MCTP1: variants seen among roughly 807,000 people sequenced by gnomAD.
The protein encoded by MCTP1 is multiple C2 and transmembrane domain-containing protein 1.
Under a neutral mutation model 120.6 loss-of-function variants are expected in MCTP1, and 69 were observed. The ratio of observed to expected loss-of-function variants is 0.57; its 90% CI spans 0.47 to 0.70. MCTP1 has a LOEUF of 0.70. MCTP1 is among the 30% of genes least tolerant of loss of function. MCTP1 has a pLI of 0.00. For synonymous variants in MCTP1, 529 were observed against 493.1 expected, an observed-to-expected ratio of 1.07 and a Z score of -0.96; for missense variants, 1,203 against 1,248.8, an observed-to-expected ratio of 0.96 and a Z score of 0.55.
intron 1 of MCTP1, among the ~76,000 whole-genome samples, chr5:95,108,271 G>A: frequency 6.6e-6 from 1 of 152,086 alleles, no homozygotes; most frequent in African/African-American, 2.4e-5. Context: ...TTCATTCCAG[G>A]TGCGTTACAA....
intron 17 of MCTP1, among the ~76,000 whole-genome samples, chr5:94,832,762 C>G (rs531276732): frequency 1.3e-5 from 2 of 152,284 alleles, no homozygotes; most frequent in Admixed American, 1.3e-4. Flanking sequence ...TTATTGTGGG[C>G]CCTTGTAGTG....
At chr5:94,967,176 C>G (rs564267214) in intron 2 of MCTP1, among the ~76,000 whole-genome samples, 3 of 152,228 alleles carry the variant, frequency 2.0e-5, no homozygotes, top group Non-Finnish European at 4.4e-5. Context: ...AACATTTTTT[C>G]TCAACCACTG....
intron 17 of MCTP1, among the ~76,000 whole-genome samples, chr5:94,832,231 C>T (rs1164149857): frequency 8.5e-6 from 1 of 117,546 alleles, no homozygotes; most frequent in East Asian, 4.3e-4. Flanking sequence ...AATGCATTCC[C>T]TCCTTGCATA....
chr5:95,190,718 G>T (rs1299424334), intron 1 of MCTP1, among the ~76,000 whole-genome samples: 2 of 151,848 alleles, frequency 1.3e-5, no homozygotes, highest in Non-Finnish European at 2.9e-5. Context: ...ATAAATGAAA[G>T]AATTCACCTA....
At chr5:95,207,933 G>GAGAC (rs1476620400) in intron 1 of MCTP1, among the ~76,000 whole-genome samples, 1 of 133,344 alleles carries the variant, frequency 7.5e-6, no homozygotes, top group Non-Finnish European at 1.6e-5. Flanking sequence ...GCGGGCGAGA[G>GAGAC]AGAGAGAGAG....
intron 2 of MCTP1, among the ~76,000 whole-genome samples, chr5:95,002,349 A>T (rs1435162170): frequency 6.6e-6 from 1 of 152,186 alleles, no homozygotes; most frequent in Non-Finnish European, 1.5e-5. Flanking sequence ...TCCAGATCCC[A>T]GAATGGTAGA....
chr5:95,034,952 C>A (rs909354297), intron 1 of MCTP1, among the ~76,000 whole-genome samples: 8 of 151,894 alleles, frequency 5.3e-5, no homozygotes, highest in Non-Finnish European at 1.0e-4. Context: ...TACAAGTGAC[C>A]AATAACCATT....
intron 17 of MCTP1, among the ~76,000 whole-genome samples, chr5:94,819,833 G>A (rs1382574857): frequency 2.0e-5 from 3 of 152,096 alleles, no homozygotes; most frequent in Admixed American, 6.6e-5. Context: ...CAAACAATAC[G>A]TTTTCAGATA....
At chr5:94,822,308 T>C (rs1294597251) in intron 17 of MCTP1, among the ~76,000 whole-genome samples, 1 of 152,052 alleles carries the variant, frequency 6.6e-6, no homozygotes, top group African/African-American at 2.4e-5. Context: ...GAACATGCGG[T>C]GTTTGGTTTT....
chr5:95,156,277 C>T (rs1462383378), intron 1 of MCTP1, among the ~76,000 whole-genome samples: 1 of 152,158 alleles, frequency 6.6e-6, no homozygotes, highest in East Asian at 1.9e-4. Context: ...TAATTTGTTA[C>T]ACCGGAAGAG....
At chr5:95,197,587 G>T (rs1041298878) in intron 1 of MCTP1, among the ~76,000 whole-genome samples, 8 of 151,996 alleles carry the variant, frequency 5.3e-5, no homozygotes, top group Admixed American at 2.6e-4. Flanking sequence ...AAATCAAATT[G>T]CTAAAAATGT....
At chr5:94,757,617 G>A (rs962778403) in intron 19 of MCTP1, among the ~76,000 whole-genome samples, 1 of 152,206 alleles carries the variant, frequency 6.6e-6, no homozygotes, top group African/African-American at 2.4e-5. Context: ...CAACAGACTT[G>A]AGACGAAAGG....
chr5:94,911,458 T>C (rs1252849630), intron 9 of MCTP1, among the ~76,000 whole-genome samples: 9 of 152,216 alleles, frequency 5.9e-5, no homozygotes, highest in Admixed American at 2.6e-4. Flanking sequence ...GCTGTTCTTA[T>C]GATAGTGAAT....
At chr5:94,904,386 T>C (rs930397275) in intron 10 of MCTP1, among the ~76,000 whole-genome samples, 3 of 152,108 alleles carry the variant, frequency 2.0e-5, no homozygotes, top group Non-Finnish European at 4.4e-5. Flanking sequence ...TACCCCAGAG[T>C]GTAAAGCTAA....
At chr5:95,038,423 CAG>C (rs1398571144) in intron 1 of MCTP1, among the ~76,000 whole-genome samples, 6 of 152,120 alleles carry the variant, frequency 3.9e-5, no homozygotes, top group South Asian at 2.1e-4. Flanking sequence ...AATAAGTAAA[CAG>C]GGGATAACAG....
chr5:94,910,130 A>G (rs1203668042), intron 9 of MCTP1, among the ~76,000 whole-genome samples: 2 of 150,774 alleles, frequency 1.3e-5, no homozygotes, highest in African/African-American at 4.9e-5. Context: ...GTATGTATAC[A>G]TGTATATATG....
chr5:95,189,260 G>GA lies in MCTP1; in HGVS notation c.720+94595dup, dbSNP rs554543479. On this transcript the variant is annotated intron_variant, in intron 1 of 22. Coordinates refer to ENST00000515393, the MANE Select transcript of MCTP1 (RefSeq NM_024717.7). ...ACAAATAAAACTAATCAATGGTGAT[G>GA]AAAAAAATTAAAGAGTTGGTGAAAG... 3.8e-3 allele frequency among the ~76,000 whole-genome samples: 576 copies of GA among 152,162 alleles called. 4 individuals are homozygous for GA. The highest frequency in any genetic ancestry group is 0.013 in the African/African-American group (552 of 41,518).
chr5:95,013,928 A>C (rs1287295375), intron 2 of MCTP1, among the ~76,000 whole-genome samples: 1 of 152,058 alleles, frequency 6.6e-6, no homozygotes, highest in Non-Finnish European at 1.5e-5. Flanking sequence ...AGCAAATTGC[A>C]AACCTTCTGG....
At chr5:94,758,549 C>T (rs1302563838) in intron 19 of MCTP1, among the ~76,000 whole-genome samples, 1 of 152,158 alleles carries the variant, frequency 6.6e-6, no homozygotes, top group Admixed American at 6.5e-5. Flanking sequence ...GTAACGAAGT[C>T]AGTCAACTCT....
Sources: allele counts gnomAD v4.1 joint callset (sites outside exome capture counted in the v4.1 genomes callset), GRCh38; gene constraint gnomAD v4.1.1; transcripts MANE v1.5; gene names NCBI Gene and HGNC (gene_info 2026-07-23, HGNC 2026-07-21).